PCM1: variants seen among roughly 807,000 people sequenced by gnomAD.
PCM1 encodes pericentriolar material 1.
A neutral mutation model predicts 241.9 loss-of-function variants in PCM1; 157 were observed. The observed-to-expected ratio is 0.65, with a 90% CI of 0.57 to 0.74. The LOEUF is 0.74. Ranked by LOEUF, PCM1 falls within the 30% of genes least tolerant of loss-of-function variation. The pLI, the probability that PCM1 is intolerant of heterozygous loss-of-function variation, is 0.00. For synonymous variants in PCM1, 1,085 were observed against 784.9 expected (o/e 1.38, Z -6.39); for missense variants, 3,478 against 2,360.1 (o/e 1.47, Z -9.81).
chr8:18,000,765 G>T (rs1243975357), intron 29 of PCM1, among the ~76,000 whole-genome samples: 1 of 152,100 alleles, frequency 6.6e-6, no homozygotes, highest in Non-Finnish European at 1.5e-5. Flanking sequence ...GGGACTACAG[G>T]TGCCTGTCAC....
intron 23 of PCM1, among the ~76,000 whole-genome samples, 154 bp downstream of exon 23, chr8:17,972,841 A>AT (rs11372551): frequency 0.02 from 3,083 of 151,588 alleles, 112 homozygotes; most frequent in African/African-American, 0.071. Flanking sequence ...TATATATATA[A>AT]TTTTTTTTTA....
chr8:17,944,913 T>G (rs1325714646), intron 6 of PCM1, among the ~76,000 whole-genome samples: 1 of 152,174 alleles, frequency 6.6e-6, no homozygotes, highest in African/African-American at 2.4e-5. Context: ...TCTTTATGAT[T>G]AGGTTATCAC....
intron 9 of PCM1, among the ~76,000 whole-genome samples, chr8:17,954,049 T>C (rs1417030714): frequency 6.6e-6 from 1 of 152,240 alleles, no homozygotes. Context: ...TAAAACATAC[T>C]CCTTTCTTTT....
In PCM1 at chr8:17,962,017, T is replaced by G. The variant is rs1181091338; in HGVS notation, c.2323-17T>G. On this transcript the variant is annotated splice_polypyrimidine_tract_variant and intron_variant, in intron 15 of 38. Coordinates refer to ENST00000325083, the MANE Select transcript of PCM1 (RefSeq NM_006197.4). ...TGCTTTAATTCCTCATAACGTTTTT[T>G]GTGAATTCCTTTTTAGCTGTCAGCT... 6.3e-7 allele frequency: 1 copy of G among 1,597,972 alleles called. No homozygotes were observed. The highest frequency in any genetic ancestry group is 8.5e-7 in the Non-Finnish European group (1 of 1,171,826).
At position 17,947,296 on chromosome 8, in the gene PCM1, A is replaced by G. The variant is rs773586868; in HGVS notation, c.894A>G (p.Gly298=). The G allele has an allele frequency of 3.7e-6, 6 of 1,612,830 alleles. No homozygotes were observed. In the South Asian group the frequency reaches 4.4e-5, roughly 12 times the overall value. Residue 298 remains glycine, a synonymous_variant, in exon 7 of 39, where the codon GGA becomes GGG. Transcript: ENST00000325083. The part of the protein sequence containing the change: ...QQQEQLRALQ[G]RQAALLALQH... Reference sequence around the variant, plus strand: ...AGGAGCAACTAAGAGCTCTACAGGGACGGCAGGCTGCACTTCTAGCTCTGC... The same window carrying G: ...AGGAGCAACTAAGAGCTCTACAGGGGCGGCAGGCTGCACTTCTAGCTCTGC...
intron 16 of PCM1, chr8:17,962,893 ACT>A (rs2073129905): frequency 9.0e-6 from 4 of 445,334 alleles, no homozygotes; most frequent in Non-Finnish European, 1.6e-5. Context: ...ACAGAGTGAG[ACT>A]CTGTCTCAAA....
chr8:17,993,764 A>G, intron 29 of PCM1, 145 bp downstream of exon 29: 1 of 591,554 alleles, frequency 1.7e-6, no homozygotes. Flanking sequence ...CCCTACCAAC[A>G]TTCTCTGAAC....
rs770940899 is a variant in PCM1 at position 17,935,580 on chromosome 8, G to GT, written c.-22-6dup. The GT allele has an allele frequency of 2.0e-5, 19 of 953,124 alleles. No individual in the cohort carries two copies. Among genetic ancestry groups the GT allele is most frequent in the Non-Finnish European group, 3.3e-5 (19 of 583,342 alleles). 59.0% of individuals were successfully genotyped at this position (953,124 alleles called of 1,614,324 possible). ...TGTTATAAAGCTCAGTTCTTAACTT[G>GT]TTTCGCAGAGAGTTAATTGTTAAAT... On this transcript the variant is annotated splice_polypyrimidine_tract_variant and intron_variant, in intron 2 of 38. Coordinates refer to ENST00000325083, the MANE Select transcript of PCM1 (RefSeq NM_006197.4).
chr8:18,012,987 A>T (rs188316392), intron 34 of PCM1, among the ~76,000 whole-genome samples: 1 of 152,132 alleles, frequency 6.6e-6, no homozygotes, highest in Non-Finnish European at 1.5e-5. Context: ...GGTTCTTTAT[A>T]TTGAACAGTG....
intron 36 of PCM1, among the ~76,000 whole-genome samples, chr8:18,015,434 G>A (rs1199925473): frequency 6.6e-6 from 1 of 152,138 alleles, no homozygotes; most frequent in Non-Finnish European, 1.5e-5. Context: ...AAATGCTTCT[G>A]TTAGAACCAA....
chr8:17,939,909 G>C (rs765243262), intron 6 of PCM1, 48 bp downstream of exon 6: 9 of 1,212,416 alleles, frequency 7.4e-6, no homozygotes, highest in Non-Finnish European at 1.0e-5. Context: ...TAGTATCTCA[G>C]TGTGTATTTA....
At position 18,025,017 on chromosome 8, in the gene PCM1, C is replaced by A. The variant is rs73666811; in HGVS notation, c.5842-344C>A. 1.7e-5 allele frequency: 3 copies of A among 172,162 alleles called. No homozygotes were observed. In the Admixed American group the frequency reaches 1.9e-4, roughly 11 times the overall value. 10.7% of individuals were successfully genotyped at this position (172,162 alleles called of 1,614,324 possible). On this transcript the variant is annotated intron_variant, in intron 36 of 38. Coordinates refer to ENST00000325083, the MANE Select transcript of PCM1 (RefSeq NM_006197.4). Reference sequence around the variant, plus strand: ...TGAAAAGTTTGTAAGTGGTTACTTACATTCTGCTGGGTACAGCTCTCGTGT... The same window carrying A: ...TGAAAAGTTTGTAAGTGGTTACTTAAATTCTGCTGGGTACAGCTCTCGTGT...
At chr8:18,019,422 C>T (rs865808809) in intron 36 of PCM1, among the ~76,000 whole-genome samples, 4 of 152,176 alleles carry the variant, frequency 2.6e-5, no homozygotes, top group South Asian at 2.1e-4. Flanking sequence ...GATTGAAATG[C>T]ATTACATTTT....
At position 17,963,163 on chromosome 8, in the gene PCM1, G is replaced by A. The variant is rs748940194; in HGVS notation, c.2526G>A (p.Gln842=). 3.7e-6 allele frequency: 6 copies of A among 1,613,658 alleles called. No individual in the cohort carries two copies. The African/African-American group carries it at 6.7e-5, about 18-fold the overall frequency. The change falls in exon 17 of 39, where the codon CAG becomes CAA. Residue 842 remains glutamine, a synonymous_variant. Coordinates refer to ENST00000325083, the MANE Select transcript of PCM1 (RefSeq NM_006197.4). Reference sequence around the variant, plus strand: ...AGGAGCTGCGACAGAGAAGAAAGCAGCTTGAAGCTCTGATGGCTGAACATC... The same window carrying A: ...AGGAGCTGCGACAGAGAAGAAAGCAACTTGAAGCTCTGATGGCTGAACATC... The part of the protein sequence containing the change: ...LREELRQRRK[Q]LEALMAEHQR...
intron 22 of PCM1, 40 bp downstream of exon 22, chr8:17,969,788 C>G (rs1564042128): frequency 1.4e-6 from 2 of 1,430,204 alleles, no homozygotes; most frequent in Non-Finnish European, 1.9e-6. Flanking sequence ...TAAACATTCA[C>G]TTTTGTGATT....
In PCM1 at chr8:17,957,679, G is replaced by C; in HGVS notation, c.1944G>C (p.Glu648Asp). 1 of 1,610,576 alleles carries C rather than the reference G, an allele frequency of 6.2e-7. No homozygotes were observed. Among genetic ancestry groups the C allele is most frequent in the Non-Finnish European group, 8.5e-7 (1 of 1,178,058 alleles). ...GTCACAGGAGCAGTCTGGTTGATGA[G>C]CATCCAGAAGATGCTGAATTTGAAC... ...LSSHRSSLVD[E>D]HPEDAEFEQK... The change falls in exon 13 of 39, where the codon GAG becomes GAC. Residue 648 changes from glutamate (E) to aspartate (D), a missense_variant. Glu to Asp is a conservative substitution (Grantham distance 45). Transcript: ENST00000325083.
In PCM1 at chr8:17,923,147, C is replaced by G. The variant is rs563268051; in HGVS notation, c.-132C>G. Reference sequence around the variant, plus strand: ...GCCGGCGGCGGGTCGTGGGGGCTGACTGTCGCTCTGCCTTTGACAGGAGAG... The same window carrying G: ...GCCGGCGGCGGGTCGTGGGGGCTGAGTGTCGCTCTGCCTTTGACAGGAGAG... On this transcript the variant is annotated 5_prime_UTR_variant, in exon 1 of 39. Coordinates refer to ENST00000325083, the MANE Select transcript of PCM1 (RefSeq NM_006197.4). The G allele has an allele frequency of 2.6e-3, 392 of 152,704 alleles. No individual in the cohort carries two copies. Among genetic ancestry groups the G allele is most frequent in the Non-Finnish European group, 4.6e-3 (314 of 68,334 alleles). 9.5% of individuals were successfully genotyped at this position (152,704 alleles called of 1,614,324 possible).
chr8:17,974,050 G>A (rs1037381320), intron 23 of PCM1, among the ~76,000 whole-genome samples: 7 of 152,110 alleles, frequency 4.6e-5, no homozygotes, highest in Non-Finnish European at 8.8e-5. Context: ...AGAATCTGAC[G>A]GATGGTTTAA....
rs547311393 is a variant in PCM1, at chr8:18,016,257, T to G, written c.5841+1417T>G. On this transcript the variant is annotated intron_variant, in intron 36 of 38. Transcript: ENST00000325083. ...TTGACAGTAACTAGACTGGGTCCAG[T>G]TGGCAGCCTCAGGTAGGTGAGGTTT... Among the ~76,000 whole-genome samples the G allele has an allele frequency of 1.5e-4, 23 of 148,880 alleles. No homozygotes were observed. In the South Asian group the frequency reaches 4.9e-3, roughly 32 times the overall value.
Sources: allele counts gnomAD v4.1 joint callset (sites outside exome capture counted in the v4.1 genomes callset), GRCh38; gene constraint gnomAD v4.1.1; transcripts MANE v1.5; gene names NCBI Gene and HGNC (gene_info 2026-07-23, HGNC 2026-07-21).